Variants in PRKAR2B observed in about 807,000 individuals in gnomAD.
The protein encoded by PRKAR2B is protein kinase cAMP-dependent type II regulatory subunit beta.
In PRKAR2B, 14 loss-of-function variants were observed where a neutral mutation model predicts 49.9. The ratio of observed to expected loss-of-function variants is 0.28; its 90% confidence interval spans 0.19 to 0.44. The LOEUF (loss-of-function observed/expected upper bound fraction) is 0.44, where lower values mean the gene tolerates loss of function less well. PRKAR2B is among the 20% of genes least tolerant of loss of function. The pLI is 1.00. For missense variants in PRKAR2B, 393 were observed against 537.9 expected, an observed-to-expected ratio of 0.73 and a Z score of 2.67; for synonymous variants, 196 against 197.7, an observed-to-expected ratio of 0.99 and a Z score of 0.07.
At chr7:107,128,073 A>G (rs1795530714) in intron 3 of PRKAR2B, 139 bp from the exon 4 acceptor site, 3 of 618,226 alleles carry the variant, frequency 4.9e-6, no homozygotes, top group Non-Finnish European at 8.6e-6. Context: ...AGTGAATCTC[A>G]GCACCAACCT....
chr7:107,135,095 CA>C (rs1795670772), intron 4 of PRKAR2B, among the ~76,000 whole-genome samples: 1 of 150,986 alleles, frequency 6.6e-6, no homozygotes, highest in Non-Finnish European at 1.5e-5. Flanking sequence ...ATCTAGTATC[CA>C]AAATATATAA....
chr7:107,079,617 G>A (rs181869545), intron 2 of PRKAR2B: 23 of 152,256 alleles, frequency 1.5e-4, no homozygotes, highest in Admixed American at 1.1e-3. Flanking sequence ...TTCAGAGCAT[G>A]CCATGGGCTC....
chr7:107,156,908 G>A, intron 8 of PRKAR2B, 76 bp from the exon 9 acceptor site: 1 of 1,257,730 alleles, frequency 8.0e-7, no homozygotes, highest in Admixed American at 1.7e-5. Flanking sequence ...ATCAATTTTA[G>A]GGATATGAAA....
At position 107,160,361 on chromosome 7, in the gene PRKAR2B, C is replaced by G. The variant is rs960378696; in HGVS notation, c.*779C>G. ...TATTCTATGTCTTTAAAAATTTGAT[C>G]TTGACATTTAATGTCACAAAGTTTT... On this transcript the variant is annotated 3_prime_UTR_variant, in exon 11 of 11. Transcript: ENST00000265717. The G allele has an allele frequency of 2.0e-5, 3 of 152,008 alleles. No homozygotes were observed. Among genetic ancestry groups the G allele is most frequent in the Non-Finnish European group, 4.4e-5 (3 of 67,982 alleles). The allele number at this position is 152,008 out of a possible 1,614,324, so 9.4% of individuals were successfully genotyped here. A position where few individuals can be genotyped will look rare whatever the true frequency, so the allele number is the denominator to read the frequency against.
chr7:107,109,036 A>G (rs1362622682), intron 2 of PRKAR2B, among the ~76,000 whole-genome samples: 1 of 152,096 alleles, frequency 6.6e-6, no homozygotes, highest in Non-Finnish European at 1.5e-5. Flanking sequence ...ATTTATACCC[A>G]CTTTTAATTA....
At chr7:107,150,753 T>C (rs571871637) in intron 6 of PRKAR2B, among the ~76,000 whole-genome samples, 169 bp from the exon 7 acceptor site, 1 of 151,730 alleles carries the variant, frequency 6.6e-6, no homozygotes, top group East Asian at 1.9e-4. Context: ...TTCTGTATTA[T>C]ATTTTGTGCT....
At chr7:107,072,168 A>T (rs1182639859) in intron 2 of PRKAR2B, among the ~76,000 whole-genome samples, 1 of 151,564 alleles carries the variant, frequency 6.6e-6, no homozygotes, top group Non-Finnish European at 1.5e-5. Flanking sequence ...ATTAAAATCA[A>T]ATGTTGCATT....
At chr7:107,142,973 G>T (rs1318851470) in intron 5 of PRKAR2B, among the ~76,000 whole-genome samples, 1 of 152,062 alleles carries the variant, frequency 6.6e-6, no homozygotes, top group Non-Finnish European at 1.5e-5. Context: ...ATGTTGGTCG[G>T]GCTGGTCTCG....
intron 2 of PRKAR2B, among the ~76,000 whole-genome samples, chr7:107,071,993 C>G (rs987411690): frequency 3.3e-5 from 5 of 151,218 alleles, no homozygotes; most frequent in Admixed American, 1.3e-4. Context: ...GGCGTGAACC[C>G]GGAAGGCGGA....
intron 1 of PRKAR2B, among the ~76,000 whole-genome samples, chr7:107,052,821 C>CCT (rs2116749412): frequency 6.6e-6 from 1 of 152,094 alleles, no homozygotes; most frequent in East Asian, 1.9e-4. Context: ...AAACTCAGTA[C>CCT]ATTTGTTTAT....
At chr7:107,138,639 C>T (rs989746762) in intron 4 of PRKAR2B, among the ~76,000 whole-genome samples, 2 of 151,306 alleles carry the variant, frequency 1.3e-5, no homozygotes, top group East Asian at 2.0e-4. Flanking sequence ...CCTCAACCTC[C>T]CAGGCTCAAG....
At chr7:107,150,390 G>A (rs1443711705) in intron 6 of PRKAR2B, among the ~76,000 whole-genome samples, 2 of 151,930 alleles carry the variant, frequency 1.3e-5, no homozygotes, top group Non-Finnish European at 2.9e-5. Context: ...TACATATTAT[G>A]TGTATATATT....
intron 8 of PRKAR2B, among the ~76,000 whole-genome samples, chr7:107,153,480 A>T (rs1301619608): frequency 6.6e-6 from 1 of 152,210 alleles, no homozygotes; most frequent in Non-Finnish European, 1.5e-5. Context: ...TTAAACCATC[A>T]AATGGTTTTC....
chr7:107,127,198 T>C (rs891743717), intron 3 of PRKAR2B, among the ~76,000 whole-genome samples: 1 of 152,246 alleles, frequency 6.6e-6, no homozygotes, highest in African/African-American at 2.4e-5. Flanking sequence ...TCTGATGCTC[T>C]GATGGTAGGG....
At chr7:107,105,407 G>A (rs1398268056) in intron 2 of PRKAR2B, among the ~76,000 whole-genome samples, 1 of 152,164 alleles carries the variant, frequency 6.6e-6, no homozygotes, top group Non-Finnish European at 1.5e-5. Context: ...AAGAACCTGT[G>A]GAAAAATGTG....
chr7:107,130,055 A>G (rs1795575633), intron 4 of PRKAR2B, among the ~76,000 whole-genome samples: 1 of 152,220 alleles, frequency 6.6e-6, no homozygotes, highest in Non-Finnish European at 1.5e-5. Context: ...TATTTTACCC[A>G]GCTCCTATTC....
chr7:107,067,139 T>A (rs1041003157), intron 1 of PRKAR2B: 7 of 152,218 alleles, frequency 4.6e-5, no homozygotes, highest in Non-Finnish European at 8.8e-5. Context: ...CTTCCCTGAC[T>A]TACTTTCCTG....
At chr7:107,142,171 A>G (rs1208794703) in intron 5 of PRKAR2B, among the ~76,000 whole-genome samples, 1 of 152,048 alleles carries the variant, frequency 6.6e-6, no homozygotes, top group African/African-American at 2.4e-5. Context: ...TCTTGGTGAA[A>G]ATGACCTCTT....
At chr7:107,068,129 G>A (rs1037768514) in intron 1 of PRKAR2B, among the ~76,000 whole-genome samples, 2 of 152,138 alleles carry the variant, frequency 1.3e-5, no homozygotes, top group African/African-American at 4.8e-5. Context: ...CTTCTAGATA[G>A]CGATGCCACC....
Sources: allele counts gnomAD v4.1 joint callset (sites outside exome capture counted in the v4.1 genomes callset), GRCh38; gene constraint gnomAD v4.1.1; transcripts MANE v1.5; gene names NCBI Gene and HGNC (gene_info 2026-07-23, HGNC 2026-07-21).